Variants in DNAH9 observed in about 807,000 individuals in gnomAD.
The protein encoded by DNAH9 is DNAH9 variant protein.
Under a neutral mutation model 471.6 loss-of-function variants are expected in DNAH9, and 345 were observed. The ratio of observed to expected loss-of-function variants is 0.73; its 90% CI spans 0.67 to 0.80. The LOEUF (loss-of-function observed/expected upper bound fraction) is 0.80, where lower values mean the gene tolerates loss of function less well. DNAH9 is among the 30% of genes least tolerant of loss of function. The pLI, the probability that DNAH9 is intolerant of heterozygous loss-of-function variation, is 0.00. For synonymous variants in DNAH9, 2,093 were observed against 2,123.6 expected (o/e 0.99, Z 0.40); for missense variants, 5,407 against 5,609.2 (o/e 0.96, Z 1.15).
At chr17:11,646,450 T>C (rs2073392722) in intron 11 of DNAH9, among the ~76,000 whole-genome samples, 1 of 152,174 alleles carries the variant, frequency 6.6e-6, no homozygotes, top group African/African-American at 2.4e-5. Flanking sequence ...CAGTGTGTCA[T>C]GACTGAATGA....
At chr17:11,659,113 A>G (rs945744901) in intron 14 of DNAH9, among the ~76,000 whole-genome samples, 6 of 151,538 alleles carry the variant, frequency 4.0e-5, no homozygotes, top group Admixed American at 6.6e-5. Context: ...ACTTCTGGAT[A>G]TGGATGTTTC....
intron 17 of DNAH9, among the ~76,000 whole-genome samples, chr17:11,676,431 C>T (rs1408576469): frequency 6.6e-6 from 1 of 151,742 alleles, no homozygotes; most frequent in Non-Finnish European, 1.5e-5. Context: ...TACAGGCATG[C>T]ACCACCATGC....
chr17:11,658,095 G>A (rs969734847), intron 14 of DNAH9, among the ~76,000 whole-genome samples: 1 of 152,090 alleles, frequency 6.6e-6, no homozygotes, highest in African/African-American at 2.4e-5. Flanking sequence ...CATTAAATCT[G>A]TAGATTAATT....
intron 41 of DNAH9, among the ~76,000 whole-genome samples, chr17:11,790,767 G>A (rs573992997): frequency 1.4e-4 from 21 of 151,402 alleles, no homozygotes; most frequent in African/African-American, 1.9e-4. Context: ...CAAACTAATC[G>A]TATGTTTTTA....
chr17:11,921,658 C>T (rs979313883), intron 61 of DNAH9, among the ~76,000 whole-genome samples: 5 of 152,168 alleles, frequency 3.3e-5, no homozygotes, highest in African/African-American at 1.2e-4. Context: ...AAGGTTACCT[C>T]CGCACCCATG....
intron 26 of DNAH9, among the ~76,000 whole-genome samples, chr17:11,716,193 C>G (rs573233622): frequency 3.3e-4 from 49 of 149,178 alleles, no homozygotes; most frequent in Middle Eastern, 3.5e-3. Flanking sequence ...AAGCAATTCT[C>G]TGGCCTCAGC....
intron 49 of DNAH9, among the ~76,000 whole-genome samples, chr17:11,847,268 C>T (rs998009461): frequency 2.6e-5 from 4 of 152,148 alleles, no homozygotes; most frequent in African/African-American, 4.8e-5. Flanking sequence ...GTATCTTTGT[C>T]ATGAAATCCT....
intron 41 of DNAH9, among the ~76,000 whole-genome samples, chr17:11,787,113 C>T (rs1968901763): frequency 6.6e-6 from 1 of 152,180 alleles, no homozygotes; most frequent in South Asian, 2.1e-4. Flanking sequence ...ATTCACGAAT[C>T]CGAATTGGGT....
At chr17:11,949,104 C>T (rs1567570752) in intron 67 of DNAH9, among the ~76,000 whole-genome samples, 2 of 152,082 alleles carry the variant, frequency 1.3e-5, no homozygotes, top group Non-Finnish European at 1.5e-5. Context: ...CTTAAAAGAA[C>T]GAAGACCTAC....
chr17:11,610,284 T>C lies in DNAH9; in HGVS notation c.615-112T>C, dbSNP rs2072606067. 3 of 825,812 alleles carry C rather than the reference T, an allele frequency of 3.6e-6. No individual in the cohort carries two copies. The Admixed American group carries it at 9.3e-5, about 26-fold the overall frequency. 51.2% of individuals were successfully genotyped at this position (825,812 alleles called of 1,614,324 possible). On this transcript the variant is annotated intron_variant, in intron 2 of 68. Transcript: ENST00000262442. ...GAATGCATGGGCTAGATGAAATTTCTCACCTATTTTTTTAAATTTGGGATT... is the reference window on the plus strand; with the variant it reads ...GAATGCATGGGCTAGATGAAATTTCCCACCTATTTTTTTAAATTTGGGATT...
chr17:11,705,389 T>G (rs970304660), intron 26 of DNAH9: 6 of 533,724 alleles, frequency 1.1e-5, no homozygotes, highest in Non-Finnish European at 2.0e-5. Context: ...AGCAAATCAA[T>G]GAGCCGTGAC....
intron 61 of DNAH9, among the ~76,000 whole-genome samples, chr17:11,920,088 G>A (rs1471625663): frequency 6.7e-6 from 1 of 149,230 alleles, no homozygotes; most frequent in African/African-American, 2.5e-5. Flanking sequence ...AGGCTGGAGT[G>A]TGCAATGGCA....
chr17:11,811,662 T>C (rs1969906186), intron 45 of DNAH9, among the ~76,000 whole-genome samples: 2 of 152,194 alleles, frequency 1.3e-5, no homozygotes, highest in Admixed American at 1.3e-4. Context: ...GTCTTACCCA[T>C]CATTGCTTTT....
At position 11,793,551 on chromosome 17, in the gene DNAH9, A is replaced by T. The variant is rs773237402; in HGVS notation, c.8110A>T (p.Ile2704Leu). 15 of 1,614,082 alleles carry T rather than the reference A, an allele frequency of 9.3e-6. No individual in the cohort carries two copies. In the Admixed American group the frequency reaches 2.3e-4, roughly 25 times the overall value. ...VECVKSTWDL[I>L]RLYLHESNRV... ...ATGTGTGAAATCCACATGGGATCTT[A>T]TAAGGCTCTATCTGCATGAATCAAA... Residue 2704 changes from isoleucine to leucine, a missense_variant, in exon 42 of 69, where the codon ATA (isoleucine) becomes TTA (leucine). Ile to Leu is a conservative substitution (Grantham distance 5). Coordinates refer to ENST00000262442, the MANE Select transcript of DNAH9 (RefSeq NM_001372.4).
chr17:11,815,681 C>T (rs1567821686), intron 45 of DNAH9, among the ~76,000 whole-genome samples: 2 of 152,008 alleles, frequency 1.3e-5, no homozygotes. Flanking sequence ...CCCAGCAACT[C>T]GGGAGGCTAA....
At position 11,744,791 on chromosome 17, in the gene DNAH9, C is replaced by T; in HGVS notation, c.6112-6C>T. On this transcript the variant is annotated splice_polypyrimidine_tract_variant and splice_region_variant and intron_variant, in intron 30 of 68. Transcript: ENST00000262442. ...CTCTGTCACTTTGATCTAACACTGCCCACAGGATCACTACGACTGGGGCCT... is the reference window on the plus strand; with the variant it reads ...CTCTGTCACTTTGATCTAACACTGCTCACAGGATCACTACGACTGGGGCCT... 1 of 1,608,424 alleles carries T rather than the reference C, an allele frequency of 6.2e-7. No individual in the cohort carries two copies. Among genetic ancestry groups the T allele is most frequent in the Non-Finnish European group, 8.5e-7 (1 of 1,176,410 alleles).
At chr17:11,700,293 C>G (rs1423933974) in intron 23 of DNAH9, among the ~76,000 whole-genome samples, 2 of 152,118 alleles carry the variant, frequency 1.3e-5, no homozygotes, top group African/African-American at 4.8e-5. Context: ...TTTGTGGAAC[C>G]AGCTGCTTTC....
intron 48 of DNAH9, among the ~76,000 whole-genome samples, chr17:11,834,328 C>CAAAAAAAA (rs762924565): frequency 6.4e-5 from 5 of 77,774 alleles, no homozygotes; most frequent in African/African-American, 1.5e-4. Flanking sequence ...GACTCCGTCT[C>CAAAAAAAA]AAAAAAAAAA....
At position 11,704,296 on chromosome 17, in the gene DNAH9, T is replaced by G. The variant is rs1229420324; in HGVS notation, c.5245T>G (p.Tyr1749Asp). Residue 1749 changes from tyrosine (Y) to aspartate (D), a missense_variant, in exon 25 of 69, where the codon TAT becomes GAT. By Grantham distance (160) the Tyr-to-Asp change is radical. This residue lies in a region of DNAH9 where 4,636 missense variants were observed against 4,900.3 expected (regional missense o/e 0.95). Coordinates refer to ENST00000262442, the MANE Select transcript of DNAH9 (RefSeq NM_001372.4). ...EEGYESAMKD[Y>D]YKKQVAQLKT... ...AGGCTATGAGAGTGCCATGAAGGAC[T>G]ATTATAAGAAGCAAGTGGCCCAGCT... 2 of 1,614,036 alleles carry G rather than the reference T, an allele frequency of 1.2e-6. No individual in the cohort carries two copies. The highest frequency in any genetic ancestry group is 1.7e-5 in the Admixed American group (1 of 60,006).
Sources: allele counts gnomAD v4.1 joint callset (sites outside exome capture counted in the v4.1 genomes callset), GRCh38; gene constraint gnomAD v4.1.1; regional missense constraint gnomAD v4.1.1; transcripts MANE v1.5; gene names NCBI Gene and HGNC (gene_info 2026-07-23, HGNC 2026-07-21).